SEMA5A: variants seen among roughly 807,000 people sequenced by gnomAD.
SEMA5A encodes the protein semaphorin 5A.
Under a neutral mutation model 135.5 loss-of-function variants are expected in SEMA5A, and 55 were observed. The ratio of observed to expected loss-of-function variants is 0.41; its 90% confidence interval spans 0.33 to 0.51. SEMA5A has a LOEUF of 0.51. Among genes scored for constraint, SEMA5A ranks in the 20% least tolerant of loss-of-function variants. The probability of loss-of-function intolerance (pLI) is 0.37; values close to 1 mark genes in which losing one functional copy is unlikely to be tolerated. For missense variants in SEMA5A, 1,290 were observed against 1,419.9 expected, an observed-to-expected ratio of 0.91 and a Z score of 1.47; for synonymous variants, 580 against 546.5, an observed-to-expected ratio of 1.06 and a Z score of -0.85.
chr5:9,436,347 G>A (rs571789492), intron 2 of SEMA5A, among the ~76,000 whole-genome samples: 7 of 152,300 alleles, frequency 4.6e-5, no homozygotes, highest in African/African-American at 1.2e-4. Flanking sequence ...GGGAGGTTCC[G>A]GTTAAGACAC....
intron 1 of SEMA5A, among the ~76,000 whole-genome samples, chr5:9,475,935 G>A (rs546293578): frequency 6.6e-6 from 1 of 152,268 alleles, no homozygotes; most frequent in African/African-American, 2.4e-5. Context: ...TTTTACAGAG[G>A]TAGCTAATGA....
rs770286907 is a variant in SEMA5A, at chr5:9,042,954, A to G, written c.3168T>C (p.Thr1056=). The G allele has an allele frequency of 5.0e-6, 8 of 1,613,274 alleles. No homozygotes were observed. Among genetic ancestry groups the G allele is most frequent in the Non-Finnish European group, 6.8e-6 (8 of 1,179,268 alleles). The change falls in exon 23 of 23, where the codon ACT becomes ACC. Residue 1056 remains threonine (T), a synonymous_variant. Coordinates refer to ENST00000382496, the MANE Select transcript of SEMA5A (RefSeq NM_003966.3). ...ERNKYFNPHL[T]GKTYSNAYFT... is the part of the protein sequence containing the mutation. The stretch of plus-strand genomic sequence containing the variant: ...AGTAGGCATTAGAATAGGTCTTCCC[A>G]GTGAGATGTGGGTTGAAGTATTTGT...
chr5:9,077,260 TAAAC>T (rs1738118613), intron 16 of SEMA5A, among the ~76,000 whole-genome samples: 1 of 152,094 alleles, frequency 6.6e-6, no homozygotes, highest in South Asian at 2.1e-4. Context: ...CCATCCCAAA[TAAAC>T]ACCCAGTGCA....
At chr5:9,130,008 A>G (rs373403622) in intron 13 of SEMA5A, among the ~76,000 whole-genome samples, 1 of 152,202 alleles carries the variant, frequency 6.6e-6, no homozygotes, top group Non-Finnish European at 1.5e-5. Context: ...CAAAGAAATT[A>G]GCTTCAAGTA....
intron 6 of SEMA5A, among the ~76,000 whole-genome samples, chr5:9,234,873 C>T (rs1194263937): frequency 2.0e-5 from 3 of 152,290 alleles, no homozygotes; most frequent in South Asian, 2.1e-4. Context: ...AGTGTAGTAA[C>T]GATTGGTCTC....
intron 8 of SEMA5A, among the ~76,000 whole-genome samples, chr5:9,206,173 T>C (rs908654823): frequency 1.5e-4 from 23 of 152,090 alleles, no homozygotes; most frequent in Non-Finnish European, 3.1e-4. Context: ...CTACAATGGA[T>C]AGGAGTGCAT....
chr5:9,311,243 A>G (rs1025207034), intron 5 of SEMA5A, among the ~76,000 whole-genome samples: 6 of 152,044 alleles, frequency 3.9e-5, no homozygotes, highest in Non-Finnish European at 8.8e-5. Flanking sequence ...AGTTGTGACA[A>G]CTAATAATGT....
chr5:9,205,917 T>A (rs1405196469), intron 8 of SEMA5A, among the ~76,000 whole-genome samples: 3 of 152,188 alleles, frequency 2.0e-5, no homozygotes, highest in African/African-American at 4.8e-5. Flanking sequence ...TGTTCCTTTT[T>A]CAAAGACAAT....
chr5:9,199,420 C>A (rs1032127147), intron 9 of SEMA5A, among the ~76,000 whole-genome samples: 1 of 152,200 alleles, frequency 6.6e-6, no homozygotes, highest in East Asian at 1.9e-4. Context: ...TCCCTCTGCC[C>A]TCCCCGCTCT....
intron 1 of SEMA5A, among the ~76,000 whole-genome samples, chr5:9,473,674 G>A (rs1319336293): frequency 1.3e-5 from 2 of 152,052 alleles, no homozygotes; most frequent in Non-Finnish European, 2.9e-5. Context: ...AAAGAAACAG[G>A]CTCAGGGATA....
intron 8 of SEMA5A, among the ~76,000 whole-genome samples, chr5:9,219,494 G>A (rs1746813219): frequency 1.3e-5 from 2 of 152,120 alleles, no homozygotes; most frequent in Admixed American, 6.5e-5. Context: ...GTCTTCAAGT[G>A]GGTAATTAGG....
intron 20 of SEMA5A, 43 bp downstream of exon 20, chr5:9,051,830 T>C: frequency 1.2e-6 from 2 of 1,610,372 alleles, no homozygotes; most frequent in Non-Finnish European, 1.7e-6. Flanking sequence ...CTCTCCATGT[T>C]GGAAATGATT....
At chr5:9,494,490 G>T (rs550099298) in intron 1 of SEMA5A, among the ~76,000 whole-genome samples, 1 of 152,060 alleles carries the variant, frequency 6.6e-6, no homozygotes, top group Non-Finnish European at 1.5e-5. Context: ...TCCCCAACGC[G>T]GCTGCTCATC....
At chr5:9,078,860 ACT>A (rs1340845895) in intron 16 of SEMA5A, among the ~76,000 whole-genome samples, 2 of 151,822 alleles carry the variant, frequency 1.3e-5, no homozygotes, top group African/African-American at 4.8e-5. Context: ...TGCATTAAAA[ACT>A]CTTCATTCAG....
intron 1 of SEMA5A, among the ~76,000 whole-genome samples, chr5:9,454,590 T>G (rs759356988): frequency 9.2e-5 from 14 of 152,194 alleles, no homozygotes; most frequent in Non-Finnish European, 1.8e-4. Context: ...TTGAATGACT[T>G]TTAGTACACT....
In SEMA5A at chr5:9,513,068, A is replaced by T. The variant is rs201679167; in HGVS notation, c.-175+32516T>A. 1.3e-3 allele frequency among the ~76,000 whole-genome samples: 193 copies of T among 143,712 alleles called. 4 individuals carry two copies. The East Asian group carries it at 0.033, about 24-fold the overall frequency. 94.3% of individuals were successfully genotyped at this position (143,712 alleles called of 152,430 possible). On this transcript the variant is annotated intron_variant, in intron 1 of 22. Coordinates refer to ENST00000382496, the MANE Select transcript of SEMA5A (RefSeq NM_003966.3). ...AAATGAGATGCAAATATATATATAT[A>T]ATATATATATATATATATGCAAGCT...
intron 3 of SEMA5A, among the ~76,000 whole-genome samples, chr5:9,338,132 T>C (rs867079020): frequency 1.3e-5 from 2 of 152,220 alleles, no homozygotes; most frequent in Non-Finnish European, 2.9e-5. Context: ...ACATGATTCA[T>C]CAGAGGAATA....
intron 1 of SEMA5A, among the ~76,000 whole-genome samples, chr5:9,453,994 A>G (rs1371465838): frequency 1.3e-5 from 2 of 152,220 alleles, no homozygotes; most frequent in African/African-American, 2.4e-5. Context: ...AAAGCAAAGT[A>G]CTAGCCTTCT....
At position 9,076,767 on chromosome 5, in the gene SEMA5A, T is replaced by C. The variant is rs536874292; in HGVS notation, c.2074-10121A>G. 2.6e-4 allele frequency among the ~76,000 whole-genome samples: 40 copies of C among 152,294 alleles called. No homozygotes were observed. In the Middle Eastern group the frequency reaches 0.01, roughly 39 times the overall value. ...TTGTAGATAAATGCTTCATAAAGCATGCACCATCCATTCATTTTCACTTTC... is the reference window on the plus strand; with the variant it reads ...TTGTAGATAAATGCTTCATAAAGCACGCACCATCCATTCATTTTCACTTTC... On this transcript the variant is annotated intron_variant, in intron 16 of 22. Coordinates refer to ENST00000382496, the MANE Select transcript of SEMA5A (RefSeq NM_003966.3).
Sources: gnomAD v4.1 joint callset for allele counts (sites outside exome capture counted in the v4.1 genomes callset) on GRCh38, gnomAD v4.1.1 for gene constraint, MANE v1.5 for transcripts, NCBI Gene and HGNC (gene_info 2026-07-23, HGNC 2026-07-21) for gene names.